Variants in MUC5B observed in about 807,000 individuals in gnomAD.
The protein encoded by MUC5B is mucin 5B, oligomeric mucus/gel-forming.
MUC5B carries 116 observed loss-of-function variants against 376.9 expected under a neutral mutation model. The observed-to-expected ratio is 0.31, with a 90% CI of 0.26 to 0.36. The LOEUF is 0.36. Ranked by LOEUF, MUC5B falls within the 10% of genes least tolerant of loss-of-function variation. MUC5B has a pLI of 1.00. For synonymous variants in MUC5B, 3,517 were observed against 3,390.9 expected (o/e 1.04, Z -1.29); for missense variants, 7,165 against 7,769.9 (o/e 0.92, Z 2.93).
chr11:1,251,700 T>C lies in MUC5B; in HGVS notation c.14820T>C (p.Ser4940=), dbSNP rs1370573230. 1 of 1,611,250 alleles carries C rather than the reference T, an allele frequency of 6.2e-7. No homozygotes were observed. Among genetic ancestry groups the C allele is most frequent in the Non-Finnish European group, 8.5e-7 (1 of 1,178,744 alleles). ...RPTGFPSSHF[S]TPCFCRAFGQ... ...CTGGCTTCCCCAGCTCCCACTTCTC[T>C]ACTCCCTGCTTCTGCAGGGCATTTG... The change falls in exon 31 of 49, where the codon TCT becomes TCC. Residue 4940 remains serine, a synonymous_variant. Transcript: ENST00000529681.
At chr11:1,226,440 G>C in intron 3 of MUC5B, 164 bp downstream of exon 3, 1 of 1,247,106 alleles carries the variant, frequency 8.0e-7, no homozygotes. Context: ...TGGGGGATGG[G>C]GACGGGTCAG....
chr11:1,252,884 C>T lies in MUC5B; in HGVS notation c.15121C>T (p.Pro5041Ser), dbSNP rs1197032612. The part of the protein sequence containing the change: ...VGDNRVVLLD[P>S]KPVANVTCVN... ...TGACAACCGTGTCGTCCTGCTGGAC[C>T]CAAAGCCTGTGGCCAACGTCACCTG... Residue 5041 changes from proline (P) to serine (S), a missense_variant, in exon 33 of 49, where the codon CCA (proline) becomes TCA (serine). Around this residue, in one of 31 missense-constraint regions of MUC5B, gnomAD observed 842 missense variants for 1,016.9 expected, o/e 0.83. Transcript: ENST00000529681. The T allele has an allele frequency of 6.2e-7, 1 of 1,612,542 alleles. No homozygotes were observed. Among genetic ancestry groups the T allele is most frequent in the African/African-American group, 1.3e-5 (1 of 74,940 alleles).
At position 1,246,575 on chromosome 11, in the gene MUC5B, C is replaced by T. The variant is rs975910702; in HGVS notation, c.9695C>T (p.Pro3232Leu). The T allele has an allele frequency of 6.2e-6, 10 of 1,613,408 alleles. No homozygotes were observed. In the African/African-American group the frequency reaches 1.1e-4, roughly 17 times the overall value. Residue 3232 changes from proline (P) to leucine (L), a missense_variant, in exon 31 of 49, where the codon CCC (proline) becomes CTC (leucine). By Grantham distance (98) the Pro-to-Leu change is moderately conservative. Transcript: ENST00000529681. ...GCACTGAGAAGCACAGCCACCACAC[C>T]CACAGCTACCAGCGTTACAGCCATC... Reference protein sequence around the residue: ...LPALRSTATTPTATSVTAIPS... With the variant: ...LPALRSTATTLTATSVTAIPS...
chr11:1,247,523 C>T lies in MUC5B; in HGVS notation c.10643C>T (p.Thr3548Ile), dbSNP rs1164600142. The change falls in exon 31 of 49, where the codon ACC becomes ATC. Residue 3548 changes from threonine (T) to isoleucine (I), a missense_variant. Thr to Ile is a moderately conservative substitution (Grantham distance 89). Transcript: ENST00000529681. ...ACAGCCACAGCCACACCCAGCAAGA[C>T]CCGCACCTCGACCCTGCTGCCCAGC... ...RTTATATPSKTRTSTLLPSSP... is the reference protein window; with the variant it reads ...RTTATATPSKIRTSTLLPSSP... 1 of 1,610,402 alleles carries T rather than the reference C, an allele frequency of 6.2e-7. No individual in the cohort carries two copies. Among genetic ancestry groups the T allele is most frequent in the East Asian group, 2.2e-5 (1 of 44,868 alleles).
At chr11:1,239,128 A>G in intron 26 of MUC5B, 101 bp downstream of exon 26, 1 of 1,393,872 alleles carries the variant, frequency 7.2e-7, no homozygotes, top group Non-Finnish European at 9.8e-7. Context: ...CCTGAGCCGC[A>G]CACAGACATC....
In MUC5B at chr11:1,242,772, C is replaced by T. The variant is rs1286461886; in HGVS notation, c.5892C>T (p.Ala1964=). ...TPSSSPGTAT[A]LPALRSTATT... is the part of the protein sequence containing the mutation. ...CCTCCAGTCCAGGGACTGCAACCGC[C>T]CTTCCAGCACTGAGAAGCACAGCCA... is the stretch of plus-strand genomic sequence containing the variant. The change falls in exon 31 of 49, where the codon GCC becomes GCT. Residue 1964 remains alanine, a synonymous_variant. Coordinates refer to ENST00000529681, the MANE Select transcript of MUC5B (RefSeq NM_002458.3). 1.9e-6 allele frequency: 3 copies of T among 1,613,200 alleles called. No individual in the cohort carries two copies. The highest frequency in any genetic ancestry group is 2.2e-5 in the South Asian group (2 of 91,046).
At chr11:1,251,887 T>C (rs555384768) in intron 31 of MUC5B, 144 bp downstream of exon 31, 38 of 668,434 alleles carry the variant, frequency 5.7e-5, no homozygotes, top group East Asian at 5.2e-4. Context: ...CCGGCCACAC[T>C]GGGTCCCCAC....
Position 1,246,062 on chromosome 11 carries a change from C to T in MUC5B, c.9182C>T (p.Ser3061Phe). ...GTGCTGACAAGCACAGCCACCAAAT[C>T]CACAGCTACCAGCTTTACACCCATC... ...LPVLTSTATK[S>F]TATSFTPIPS... The change falls in exon 31 of 49, where the codon TCC becomes TTC. Residue 3061 changes from serine (S) to phenylalanine (F), a missense_variant. Coordinates refer to ENST00000529681, the MANE Select transcript of MUC5B (RefSeq NM_002458.3). 1 of 1,613,224 alleles carries T rather than the reference C, an allele frequency of 6.2e-7. No individual in the cohort carries two copies. The highest frequency in any genetic ancestry group is 2.2e-5 in the East Asian group (1 of 44,832).
Position 1,244,215 on chromosome 11 carries a change from G to A in MUC5B, c.7335G>A (p.Thr2445=), listed in dbSNP as rs780224176. 2.7e-5 allele frequency: 44 copies of A among 1,611,674 alleles called. No homozygotes were observed. The highest frequency in any genetic ancestry group is 1.5e-4 in the Admixed American group (9 of 59,906). Reference sequence around the variant, plus strand: ...CAGAGCTGACCACAACAGCCACTACGACTGAGTCCACTGGATCCACGGCCA... The same window carrying A: ...CAGAGCTGACCACAACAGCCACTACAACTGAGTCCACTGGATCCACGGCCA... The part of the protein sequence containing the change: ...ILTELTTTAT[T]TESTGSTATP... Residue 2445 remains threonine, a synonymous_variant, in exon 31 of 49, where the codon ACG becomes ACA. Transcript: ENST00000529681.
intron 9 of MUC5B, 23 bp from the exon 10 acceptor site, chr11:1,229,667 C>T (rs1861976184): frequency 6.5e-7 from 1 of 1,537,396 alleles, no homozygotes; most frequent in African/African-American, 1.4e-5. Context: ...TGGGCCGGCC[C>T]TGCCTCACGC....
Position 1,258,209 on chromosome 11 carries a change from C to T in MUC5B, c.16555+6C>T, listed in dbSNP as rs777915557. 36 of 1,557,616 alleles carry T rather than the reference C, an allele frequency of 2.3e-5. No individual in the cohort carries two copies. The highest frequency in any genetic ancestry group is 1.7e-4 in the Admixed American group (9 of 54,396). ...CTGTCCCACCTTCCGCTGCAGTGAG[C>T]GGGGCTGGGGCCGGGCTCCTGGGTG... On this transcript the variant is annotated splice_donor_region_variant and intron_variant, in intron 42 of 48. Transcript: ENST00000529681. This position sits in a 1 kb window ranked among gnomAD's most constrained non-coding sequence, Gnocchi z 5.5.
chr11:1,261,666 T>G lies in MUC5B; in HGVS notation c.*58T>G, dbSNP rs150382557. The G allele has an allele frequency of 6.6e-7, 1 of 1,508,556 alleles. No homozygotes were observed. The highest frequency in any genetic ancestry group is 9.0e-7 in the Non-Finnish European group (1 of 1,111,156). 93.4% of individuals were successfully genotyped at this position (1,508,556 alleles called of 1,614,324 possible). A position where few individuals can be genotyped will look rare whatever the true frequency, so the allele number is the denominator to read the frequency against. On this transcript the variant is annotated 3_prime_UTR_variant, in exon 49 of 49. Coordinates refer to ENST00000529681, the MANE Select transcript of MUC5B (RefSeq NM_002458.3). ...ACCTGGAGCCAGGATGTGCATTGTC[T>G]GATCATGAAAACCTTGGGCCTCCTC...
chr11:1,246,366 G>C lies in MUC5B; in HGVS notation c.9486G>C (p.Trp3162Cys). 1 of 1,612,726 alleles carries C rather than the reference G, an allele frequency of 6.2e-7. No homozygotes were observed. The highest frequency in any genetic ancestry group is 8.5e-7 in the Non-Finnish European group (1 of 1,179,512). Residue 3162 changes from tryptophan (W) to cysteine (C), a missense_variant, in exon 31 of 49, where the codon TGG becomes TGC. Transcript: ENST00000529681. ...CGTCCTCCACCCCAGGGACCACCTG[G>C]ATCCTCACAGAGCCCAGCACTACAG... ...ATPSSTPGTT[W>C]ILTEPSTTAT...
At position 1,252,952 on chromosome 11, in the gene MUC5B, G is replaced by T. The variant is rs768122464; in HGVS notation, c.15189G>T (p.Gln5063His). ...HLPIKVSDPS[Q>H]PCDFHYECEC... ...CCATCAAAGTGTCGGACCCGAGCCAGCCCTGTGACTTCCACTATGAGTGCG... is the reference window on the plus strand; with the variant it reads ...CCATCAAAGTGTCGGACCCGAGCCATCCCTGTGACTTCCACTATGAGTGCG... Residue 5063 changes from glutamine (Q) to histidine (H), a missense_variant, in exon 33 of 49, where the codon CAG becomes CAT. Physicochemically the swap from Gln to His is conservative, Grantham distance 24. Transcript: ENST00000529681. 1 of 1,612,696 alleles carries T rather than the reference G, an allele frequency of 6.2e-7. No individual in the cohort carries two copies. Among genetic ancestry groups the T allele is most frequent in the East Asian group, 2.2e-5 (1 of 44,890 alleles).
In MUC5B at chr11:1,253,151, T is replaced by C. The variant is rs1364317638; in HGVS notation, c.15217+171T>C. On this transcript the variant is annotated intron_variant, in intron 33 of 48. Coordinates refer to ENST00000529681, the MANE Select transcript of MUC5B (RefSeq NM_002458.3). This position sits in a 1 kb window ranked among gnomAD's most constrained non-coding sequence, Gnocchi z 4.3. ...TGGGGCATGGTGGGGCATGGTGGGGTGTGGTGGTGGTGTTTGGGAGATCGC... is the reference window on the plus strand; with the variant it reads ...TGGGGCATGGTGGGGCATGGTGGGGCGTGGTGGTGGTGTTTGGGAGATCGC... 1.3e-6 allele frequency: 1 copy of C among 767,910 alleles called. No homozygotes were observed. Among genetic ancestry groups the C allele is most frequent in the Non-Finnish European group, 2.1e-6 (1 of 469,320 alleles). 47.6% of individuals were successfully genotyped at this position (767,910 alleles called of 1,614,324 possible).
intron 9 of MUC5B, 124 bp downstream of exon 9, chr11:1,229,419 G>T: frequency 8.4e-7 from 1 of 1,194,044 alleles, no homozygotes; most frequent in Non-Finnish European, 1.1e-6. Flanking sequence ...AGAGGGCCCA[G>T]GGTGGGAAGG....
chr11:1,259,861 G>C lies in MUC5B; in HGVS notation c.16800+19G>C. On this transcript the variant is annotated intron_variant, in intron 45 of 48. Transcript: ENST00000529681. The stretch of plus-strand genomic sequence containing the variant: ...AGTCCAGGTAACAGCAGAGGCATGT[G>C]GGGGCAGGTCTCAGCTCCCTCCCTG... The C allele has an allele frequency of 6.2e-7, 1 of 1,612,364 alleles. No homozygotes were observed. The highest frequency in any genetic ancestry group is 8.5e-7 in the Non-Finnish European group (1 of 1,179,580).
At position 1,250,841 on chromosome 11, in the gene MUC5B, C is replaced by T; in HGVS notation, c.13961C>T (p.Thr4654Ile). Residue 4654 changes from threonine (T) to isoleucine (I), a missense_variant, in exon 31 of 49, where the codon ACC (threonine) becomes ATC (isoleucine). Transcript: ENST00000529681. ...ACCCACACCGCCAGAGTGCTGACCA[C>T]CACCACCACAACTGTGGCCACTGGT... is the stretch of plus-strand genomic sequence containing the variant. ...GTTHTARVLTTTTTTVATGSM... is the reference protein window; with the variant it reads ...GTTHTARVLTITTTTVATGSM... 4 of 1,611,542 alleles carry T rather than the reference C, an allele frequency of 2.5e-6. No homozygotes were observed. The highest frequency in any genetic ancestry group is 1.7e-5 in the Admixed American group (1 of 59,592).
Position 1,257,366 on chromosome 11 carries a change from G to C in MUC5B, c.16269+95G>C. On this transcript the variant is annotated intron_variant, in intron 40 of 48. Transcript: ENST00000529681. This position sits in a 1 kb window ranked among gnomAD's most constrained non-coding sequence, Gnocchi z 8.9. ...CCCCATCCCACAGGGCAGCTGTGGG[G>C]CGCCCGAGTGTGACGTGGACGTGCC... 2 of 873,402 alleles carry C rather than the reference G, an allele frequency of 2.3e-6. No individual in the cohort carries two copies. The highest frequency in any genetic ancestry group is 2.7e-5 in the South Asian group (2 of 74,354). The allele number at this position is 873,402 out of a possible 1,614,324, so 54.1% of individuals were successfully genotyped here.
Sources: allele counts gnomAD v4.1 joint callset, GRCh38; gene constraint gnomAD v4.1.1; regional missense constraint gnomAD v4.1.1; non-coding constraint Gnocchi (gnomAD v3.1); transcripts MANE v1.5; gene names NCBI Gene and HGNC (gene_info 2026-07-23, HGNC 2026-07-21).